The following CACNG2 variants were observed in gnomAD, a reference collection of about 807,000 sequenced individuals.
The protein encoded by CACNG2 is voltage-dependent calcium channel gamma-2 subunit.
In CACNG2, 3 loss-of-function variants were observed where a neutral mutation model predicts 25.9. That is an observed-to-expected ratio of 0.12 (90% confidence interval 0.05 to 0.30). The LOEUF (loss-of-function observed/expected upper bound fraction) is 0.30. Among genes scored for constraint, CACNG2 ranks in the 10% least tolerant of loss-of-function variants. The pLI, the probability that CACNG2 is intolerant of heterozygous loss-of-function variation, is 1.00. For synonymous variants in CACNG2, 167 were observed against 173.3 expected, an observed-to-expected ratio of 0.96 and a Z score of 0.29; for missense variants, 341 against 432.5, an observed-to-expected ratio of 0.79 and a Z score of 1.88.
intron 1 of CACNG2, among the ~76,000 whole-genome samples, chr22:36,639,541 A>G (rs182896070): frequency 1.3e-5 from 2 of 152,238 alleles, no homozygotes; most frequent in East Asian, 3.9e-4. Flanking sequence ...TCTTCCCAGA[A>G]TGGTACAGTT....
intron 2 of CACNG2, among the ~76,000 whole-genome samples, chr22:36,574,449 G>A (rs1363822691): frequency 6.6e-6 from 1 of 152,144 alleles, no homozygotes; most frequent in African/African-American, 2.4e-5. Flanking sequence ...AACCACTTAG[G>A]GGGACTGGGA....
At chr22:36,631,353 C>T (rs185133952) in intron 1 of CACNG2, among the ~76,000 whole-genome samples, 1 of 152,140 alleles carries the variant, frequency 6.6e-6, no homozygotes, top group East Asian at 1.9e-4. Flanking sequence ...TGCATGTGAC[C>T]CTTCCTCCCT....
chr22:36,581,785 A>G (rs1017858789), intron 2 of CACNG2, among the ~76,000 whole-genome samples: 4 of 152,174 alleles, frequency 2.6e-5, no homozygotes, highest in Non-Finnish European at 4.4e-5. Context: ...CTACGTGCCA[A>G]CAACGTGAAA....
intron 1 of CACNG2, among the ~76,000 whole-genome samples, chr22:36,675,402 T>G (rs925935443): frequency 2.0e-5 from 3 of 152,190 alleles, no homozygotes; most frequent in African/African-American, 7.2e-5. Context: ...TGCTCTCCCC[T>G]GTTCTCCTTT....
intron 1 of CACNG2, among the ~76,000 whole-genome samples, chr22:36,639,292 T>C (rs931405089): frequency 2.0e-5 from 3 of 152,222 alleles, no homozygotes; most frequent in Non-Finnish European, 4.4e-5. Flanking sequence ...TTGTTTATGA[T>C]GATTACTCAA....
chr22:36,661,253 C>T lies in CACNG2; in HGVS notation c.211+41113G>A, dbSNP rs572215008. Among the ~76,000 whole-genome samples the T allele has an allele frequency of 5.3e-5, 8 of 152,342 alleles. No individual in the cohort carries two copies. In the South Asian group the frequency reaches 1.4e-3, roughly 28 times the overall value. On this transcript the variant is annotated intron_variant, in intron 1 of 3. Transcript: ENST00000300105. Reference sequence around the variant, plus strand: ...CCCGATGGGGTGTGACTCTCTGTAGCTCCTCCAAGCACCTGGGGAGCAACA... The same window carrying T: ...CCCGATGGGGTGTGACTCTCTGTAGTTCCTCCAAGCACCTGGGGAGCAACA...
At chr22:36,630,623 T>A (rs1458277642) in intron 1 of CACNG2, among the ~76,000 whole-genome samples, 1 of 152,100 alleles carries the variant, frequency 6.6e-6, no homozygotes, top group African/African-American at 2.4e-5. Context: ...CCTTGAAGCT[T>A]CAGATAGACC....
chr22:36,564,664 G>A lies in CACNG2; in HGVS notation c.659C>T (p.Ala220Val). The A allele has an allele frequency of 1.9e-6, 3 of 1,613,916 alleles. No individual in the cohort carries two copies. Among genetic ancestry groups the A allele is most frequent in the Non-Finnish European group, 2.5e-6 (3 of 1,180,014 alleles). The part of the protein sequence containing the change: ...ATARATDYLQ[A>V]SAITRIPSYR... ...GCTGGGGATGCGGGTGATGGCAGAG[G>A]CCTGGAGGTAGTCCGTGGCGCGGGC... The change falls in exon 4 of 4, where the codon GCC becomes GTC. Residue 220 changes from alanine (A) to valine (V), a missense_variant. Physicochemically the swap from Ala to Val is moderately conservative, Grantham distance 64 (BLOSUM62 0). Around this residue, in one of 2 missense-constraint regions of CACNG2, gnomAD observed 172 missense variants for 178.1 expected, o/e 0.97. Transcript: ENST00000300105. This position sits in a 1 kb window ranked among gnomAD's most constrained non-coding sequence, Gnocchi z 6.7.
At chr22:36,567,066 G>A (rs1935139252) in intron 2 of CACNG2, among the ~76,000 whole-genome samples, 1 of 152,216 alleles carries the variant, frequency 6.6e-6, no homozygotes, top group Non-Finnish European at 1.5e-5. Context: ...ACGTGGGTTG[G>A]ATTTGAGTCT....
chr22:36,676,639 C>A (rs1937024051), intron 1 of CACNG2, among the ~76,000 whole-genome samples: 1 of 152,224 alleles, frequency 6.6e-6, no homozygotes, highest in Admixed American at 6.5e-5. Context: ...CAACTTGCTA[C>A]AGCTTTGCTG....
chr22:36,681,035 CT>C (rs980865254), intron 1 of CACNG2, among the ~76,000 whole-genome samples: 3 of 152,012 alleles, frequency 2.0e-5, no homozygotes, highest in Non-Finnish European at 2.9e-5. Flanking sequence ...AAAAATTATT[CT>C]TTTTTTATTA....
intron 1 of CACNG2, among the ~76,000 whole-genome samples, chr22:36,669,632 A>C (rs779037600): frequency 6.6e-6 from 1 of 151,476 alleles, no homozygotes; most frequent in Non-Finnish European, 1.5e-5. Context: ...TACGCGCATG[A>C]GTGTGTGTGC....
chr22:36,657,626 A>G (rs998333759), intron 1 of CACNG2, among the ~76,000 whole-genome samples: 4 of 152,182 alleles, frequency 2.6e-5, no homozygotes, highest in Non-Finnish European at 2.9e-5. Context: ...CACTGGATCT[A>G]CACTCTGTGC....
chr22:36,590,235 C>T (rs1935567916), intron 1 of CACNG2, among the ~76,000 whole-genome samples: 3 of 152,320 alleles, frequency 2.0e-5, no homozygotes, highest in Middle Eastern at 3.4e-3. Context: ...GTGCCTGGCA[C>T]AGAAGCAGGG....
chr22:36,583,620 C>A (rs1935456010), intron 2 of CACNG2, among the ~76,000 whole-genome samples: 1 of 152,130 alleles, frequency 6.6e-6, no homozygotes. Flanking sequence ...TGTTCCCTGC[C>A]CCATGGCCCA....
At chr22:36,643,498 A>G (rs939189012) in intron 1 of CACNG2, among the ~76,000 whole-genome samples, 91 of 151,770 alleles carry the variant, frequency 6.0e-4, no homozygotes, top group Non-Finnish European at 1.0e-3. Flanking sequence ...CTATCTATCT[A>G]TCTATCTATC....
intron 1 of CACNG2, among the ~76,000 whole-genome samples, chr22:36,614,141 T>C (rs535290856): frequency 6.6e-6 from 1 of 152,208 alleles, no homozygotes; most frequent in Admixed American, 6.5e-5. Flanking sequence ...TTTGACAAGG[T>C]CAACAGGGTC....
At chr22:36,569,502 CCT>C (rs2145907830) in intron 2 of CACNG2, among the ~76,000 whole-genome samples, 1 of 152,232 alleles carries the variant, frequency 6.6e-6, no homozygotes, top group South Asian at 2.1e-4. Context: ...CTGTTTTTCC[CCT>C]GTGTAACATG....
Position 36,564,711 on chromosome 22 carries a change from C to T in CACNG2, c.612G>A (p.Arg204=). Residue 204 remains arginine (R), a synonymous_variant, in exon 4 of 4, where the codon CGG becomes CGA. Coordinates refer to ENST00000300105, the MANE Select transcript of CACNG2 (RefSeq NM_006078.5). The surrounding 1 kb of genome is among the most constrained non-coding windows in gnomAD (Gnocchi z 6.7). ...GVLAVHMFID[R]HKQLRATARA... ...GGGCCGTGGCCCGCAGCTGTTTGTGCCGGTCGATAAACATGTGCACCGCCA... is the reference window on the plus strand; with the variant it reads ...GGGCCGTGGCCCGCAGCTGTTTGTGTCGGTCGATAAACATGTGCACCGCCA... 6.2e-7 allele frequency: 1 copy of T among 1,614,106 alleles called. No individual in the cohort carries two copies. The highest frequency in any genetic ancestry group is 8.5e-7 in the Non-Finnish European group (1 of 1,180,024).
Sources: gnomAD v4.1 joint callset for allele counts (sites outside exome capture counted in the v4.1 genomes callset) on GRCh38, gnomAD v4.1.1 for gene constraint, gnomAD v4.1.1 regional missense constraint, Gnocchi (gnomAD v3.1) non-coding constraint, MANE v1.5 for transcripts, NCBI Gene and HGNC (gene_info 2026-07-23, HGNC 2026-07-21) for gene names.